The following HEYL variants were observed in gnomAD, a reference collection of about 807,000 sequenced individuals.
HEYL encodes hes related family bHLH transcription factor with YRPW motif like, also known as hairy/enhancer-of-split related with YRPW motif-like protein.
HEYL carries 12 observed loss-of-function variants against 18.6 expected under a neutral mutation model. That is an observed-to-expected ratio of 0.65 (90% CI 0.41 to 1.05). The LOEUF is 1.05. Among genes scored for constraint, HEYL ranks in the 50% least tolerant of loss-of-function variants. The pLI is 0.00. For missense variants in HEYL, 420 were observed against 444.7 expected (o/e 0.94, Z 0.50); for synonymous variants, 159 against 179.6 (o/e 0.89, Z 0.91).
Position 39,624,837 on chromosome 1 carries a change from T to C in HEYL, c.*1670A>G, listed in dbSNP as rs1401577196. On this transcript the variant is annotated 3_prime_UTR_variant, in exon 5 of 5. Coordinates refer to ENST00000372852, the MANE Select transcript of HEYL (RefSeq NM_014571.4). ...AGGTGCTTTCCTCTTTATCTCTCCTTGAGGAGTCTGTCTTTTCAAAAGAGC... is the reference window on the plus strand; with the variant it reads ...AGGTGCTTTCCTCTTTATCTCTCCTCGAGGAGTCTGTCTTTTCAAAAGAGC... The C allele has an allele frequency of 6.6e-6, 1 of 152,188 alleles. No individual in the cohort carries two copies. The highest frequency in any genetic ancestry group is 1.5e-5 in the Non-Finnish European group (1 of 68,054). 9.4% of individuals were successfully genotyped at this position (152,188 alleles called of 1,614,324 possible).
intron 1 of HEYL, among the ~76,000 whole-genome samples, chr1:39,634,914 A>C (rs949724495): frequency 6.6e-5 from 10 of 152,210 alleles, no homozygotes; most frequent in African/African-American, 2.4e-4. Flanking sequence ...CTTTGGCATC[A>C]CTGGGGAACA....
chr1:39,630,551 C>T (rs761335268), intron 3 of HEYL, among the ~76,000 whole-genome samples: 1 of 152,218 alleles, frequency 6.6e-6, no homozygotes, highest in Non-Finnish European at 1.5e-5. Context: ...TTGACTTGCA[C>T]GACACCACTG....
intron 1 of HEYL, among the ~76,000 whole-genome samples, chr1:39,634,888 C>A (rs918171105): frequency 2.0e-5 from 3 of 152,230 alleles, no homozygotes; most frequent in African/African-American, 7.2e-5. Context: ...GTAGAGCTTT[C>A]TTCTCTCACC....
Position 39,623,804 on chromosome 1 carries a change from A to T in HEYL, c.*2703T>A, listed in dbSNP as rs534271665. Among the ~76,000 whole-genome samples, 1 of 152,318 alleles carries T rather than the reference A, an allele frequency of 6.6e-6. No homozygotes were observed. Among genetic ancestry groups the T allele is most frequent in the South Asian group, 2.1e-4 (1 of 4,832 alleles). Reference sequence around the variant, plus strand: ...TATGCAAAGTGCTGGAGGTGGGAACAAGGCTGGAATGTCGAGGAAATGAAG... The same window carrying T: ...TATGCAAAGTGCTGGAGGTGGGAACTAGGCTGGAATGTCGAGGAAATGAAG... On this transcript the variant is annotated 3_prime_UTR_variant, in exon 5 of 5. Transcript: ENST00000372852.
At chr1:39,631,726 C>A in intron 2 of HEYL, 147 bp from the exon 3 acceptor site, 1 of 677,768 alleles carries the variant, frequency 1.5e-6, no homozygotes, top group Admixed American at 2.2e-5. Context: ...AAACCAAGGC[C>A]CAGAGAAGGA....
intron 1 of HEYL, among the ~76,000 whole-genome samples, chr1:39,635,243 G>A (rs1646356329): frequency 6.6e-6 from 1 of 152,200 alleles, no homozygotes; most frequent in Non-Finnish European, 1.5e-5. Context: ...GGCTTGTAAG[G>A]CCAGATCTTG....
chr1:39,632,098 G>C (rs1367851000), intron 2 of HEYL, among the ~76,000 whole-genome samples: 1 of 152,236 alleles, frequency 6.6e-6, no homozygotes, highest in Admixed American at 6.5e-5. Flanking sequence ...GAAAATGAGG[G>C]CTGGAAGGAA....
Position 39,624,440 on chromosome 1 carries a change from CA to C in HEYL, c.*2066del, listed in dbSNP as rs1483828059. 2 of 152,326 alleles carry C rather than the reference CA, an allele frequency of 1.3e-5. No individual in the cohort carries two copies. The highest frequency in any genetic ancestry group is 4.8e-5 in the African/African-American group (2 of 41,472). The allele number at this position is 152,326 out of a possible 1,614,324, so 9.4% of individuals were successfully genotyped here. ...CGTGGAAATGTGTTTCCCACAGCCC[CA>C]CTAGGGATTCTCAGGCTAGGAAGTT... On this transcript the variant is annotated 3_prime_UTR_variant, in exon 5 of 5. Coordinates refer to ENST00000372852, the MANE Select transcript of HEYL (RefSeq NM_014571.4).
In HEYL at chr1:39,626,879, G is replaced by A. The variant is rs371317210; in HGVS notation, c.615C>T (p.Pro205=). 62 of 1,600,362 alleles carry A rather than the reference G, an allele frequency of 3.9e-5. No homozygotes were observed. Among genetic ancestry groups the A allele is most frequent in the African/African-American group, 9.4e-5 (7 of 74,796 alleles). ...TGGGGTAAGCAGGAGAGGAGACACC[G>A]GGGAGGACAGGGCTGGGCACTCTTC... ...ILGRVPSPVL[P]GVSSPAYPIP... The change falls in exon 5 of 5, where the codon CCC becomes CCT. Residue 205 remains proline (P), a synonymous_variant. Coordinates refer to ENST00000372852, the MANE Select transcript of HEYL (RefSeq NM_014571.4).
chr1:39,626,995 T>C lies in HEYL; in HGVS notation c.499A>G (p.Thr167Ala), dbSNP rs750393357. The part of the protein sequence containing the change: ...AAEMEPSPTP[T>A]GPLAFPAWPW... ...CAGGCAGGGAAGGCCAAAGGGCCAG[T>C]GGGCGTGGGCGAAGGCTCCATCTCG... Residue 167 changes from threonine (T) to alanine (A), a missense_variant, in exon 5 of 5, where the codon ACT becomes GCT. Thr to Ala is a moderately conservative substitution (Grantham distance 58). Coordinates refer to ENST00000372852, the MANE Select transcript of HEYL (RefSeq NM_014571.4). 1.1e-4 allele frequency: 177 copies of C among 1,613,934 alleles called. No homozygotes were observed. The highest frequency in any genetic ancestry group is 1.5e-4 in the Non-Finnish European group (172 of 1,179,982).
intron 4 of HEYL, 36 bp from the exon 5 acceptor site, chr1:39,627,216 G>A: frequency 6.4e-7 from 1 of 1,570,532 alleles, no homozygotes; most frequent in Non-Finnish European, 8.7e-7. Context: ...CATGCCAGGT[G>A]TGGGGAGAAG....
Position 39,626,495 on chromosome 1 carries a change from T to C in HEYL, c.*12A>G. On this transcript the variant is annotated 3_prime_UTR_variant, in exon 5 of 5. Coordinates refer to ENST00000372852, the MANE Select transcript of HEYL (RefSeq NM_014571.4). ...TTCCTTATTCCTTGGGGCGGGGTGG[T>C]GAAGGGGCAGCTCAGAAAGCCCCGA... 1 of 1,500,802 alleles carries C rather than the reference T, an allele frequency of 6.7e-7. No homozygotes were observed. Among genetic ancestry groups the C allele is most frequent in the South Asian group, 1.3e-5 (1 of 74,440 alleles). The allele number at this position is 1,500,802 out of a possible 1,614,324, so 93.0% of individuals were successfully genotyped here. A position where few individuals can be genotyped will look rare whatever the true frequency, so the allele number is the denominator to read the frequency against.
At chr1:39,639,091 A>C (rs1361346754) in intron 1 of HEYL, among the ~76,000 whole-genome samples, 4 of 152,190 alleles carry the variant, frequency 2.6e-5, no homozygotes, top group Non-Finnish European at 2.9e-5. Flanking sequence ...TCCTGAAATA[A>C]TTTGTGGACT....
chr1:39,631,933 C>T (rs188153863), intron 2 of HEYL, among the ~76,000 whole-genome samples: 306 of 152,344 alleles, frequency 2.0e-3, no homozygotes, highest in Non-Finnish European at 3.2e-3. Flanking sequence ...GAGGGTGACC[C>T]CGTCATCTGT....
At chr1:39,629,408 C>T (rs963118829) in intron 4 of HEYL, among the ~76,000 whole-genome samples, 3 of 152,166 alleles carry the variant, frequency 2.0e-5, no homozygotes, top group African/African-American at 7.2e-5. Flanking sequence ...TTGCAAACTC[C>T]TAAACTTCAA....
In HEYL at chr1:39,627,192, G is replaced by C; in HGVS notation, c.314-12C>G. On this transcript the variant is annotated splice_polypyrimidine_tract_variant and intron_variant, in intron 4 of 4. Coordinates refer to ENST00000372852, the MANE Select transcript of HEYL (RefSeq NM_014571.4). Reference sequence around the variant, plus strand: ...GGCATCAAAGAATCCTGCAAAGGGAGGCGTGATGAAGGTCATGCCAGGTGT... The same window carrying C: ...GGCATCAAAGAATCCTGCAAAGGGACGCGTGATGAAGGTCATGCCAGGTGT... The C allele has an allele frequency of 1.2e-6, 2 of 1,605,616 alleles. No individual in the cohort carries two copies. The highest frequency in any genetic ancestry group is 1.7e-6 in the Non-Finnish European group (2 of 1,174,076).
At chr1:39,636,599 G>A (rs1161474809) in intron 1 of HEYL, among the ~76,000 whole-genome samples, 3 of 152,130 alleles carry the variant, frequency 2.0e-5, no homozygotes, top group Non-Finnish European at 4.4e-5. Context: ...TTTTGCCAGT[G>A]CACCCCATAT....
At chr1:39,632,760 T>A (rs749349293) in intron 1 of HEYL, 45 bp from the exon 2 acceptor site, 16 of 1,609,214 alleles carry the variant, frequency 9.9e-6, no homozygotes, top group Non-Finnish European at 1.4e-5. Context: ...TGGGGGACAG[T>A]CTCCCCGGCC....
intron 4 of HEYL, 81 bp from the exon 5 acceptor site, chr1:39,627,261 C>T (rs78875161): frequency 0.038 from 48,215 of 1,274,482 alleles, 1,103 homozygotes; most frequent in Non-Finnish European, 0.045. Context: ...GAGTTCTGGA[C>T]CTGCCTCCTC....
Sources: gnomAD v4.1 joint callset for allele counts (sites outside exome capture counted in the v4.1 genomes callset) on GRCh38, gnomAD v4.1.1 for gene constraint, MANE v1.5 for transcripts, NCBI Gene and HGNC (gene_info 2026-07-23, HGNC 2026-07-21) for gene names.